FAM168A: variants seen among roughly 807,000 people sequenced by gnomAD.
FAM168A encodes protein FAM168A.
In FAM168A, 3 loss-of-function variants were observed where a neutral mutation model predicts 28.5. The observed-to-expected ratio is 0.11, with a 90% CI of 0.05 to 0.27. FAM168A has a LOEUF of 0.27. Among genes scored for constraint, FAM168A ranks in the 10% least tolerant of loss-of-function variants. The pLI, the probability that FAM168A is intolerant of heterozygous loss-of-function variation, is 1.00. For synonymous variants in FAM168A, 122 were observed against 124.2 expected, an observed-to-expected ratio of 0.98 and a Z score of 0.12; for missense variants, 222 against 311.5, an observed-to-expected ratio of 0.71 and a Z score of 2.16.
At chr11:73,442,485 T>C (rs753666931) in intron 2 of FAM168A, among the ~76,000 whole-genome samples, 1 of 152,200 alleles carries the variant, frequency 6.6e-6, no homozygotes, top group Non-Finnish European at 1.5e-5. Context: ...TGGTATGTTA[T>C]GTTTCATTCA....
intron 1 of FAM168A, among the ~76,000 whole-genome samples, chr11:73,516,107 A>G (rs923333509): frequency 2.0e-5 from 3 of 151,972 alleles, no homozygotes; most frequent in African/African-American, 7.3e-5. Context: ...CTTTAAAAAA[A>G]AAAAAAAAAA....
intron 1 of FAM168A, among the ~76,000 whole-genome samples, chr11:73,571,127 A>G (rs1050151746): frequency 2.0e-5 from 3 of 152,192 alleles, no homozygotes; most frequent in Non-Finnish European, 4.4e-5. Flanking sequence ...AAATTAGTGT[A>G]GTACCAAAAC....
At chr11:73,498,985 C>T (rs1056941534) in intron 1 of FAM168A, among the ~76,000 whole-genome samples, 2 of 152,152 alleles carry the variant, frequency 1.3e-5, no homozygotes, top group South Asian at 2.1e-4. Context: ...ATCCCCCCAG[C>T]GGAACACACC....
chr11:73,446,533 C>T (rs1053885479), intron 2 of FAM168A, among the ~76,000 whole-genome samples: 4 of 152,198 alleles, frequency 2.6e-5, no homozygotes, highest in Non-Finnish European at 5.9e-5. Flanking sequence ...GGCCTCAGTA[C>T]CCCCAAGAAC....
chr11:73,426,713 G>A (rs1331832426), intron 3 of FAM168A, among the ~76,000 whole-genome samples: 1 of 151,684 alleles, frequency 6.6e-6, no homozygotes, highest in Non-Finnish European at 1.5e-5. Context: ...CTGTGTGTGT[G>A]TGTGTGTGTG....
intron 1 of FAM168A, among the ~76,000 whole-genome samples, chr11:73,574,978 A>G (rs1453152417): frequency 8.7e-6 from 1 of 115,502 alleles, no homozygotes; most frequent in Non-Finnish European, 1.7e-5. Context: ...TATTACAGTC[A>G]TATACTAGAC....
intron 1 of FAM168A, among the ~76,000 whole-genome samples, chr11:73,574,807 G>A (rs896819070): frequency 1.4e-5 from 2 of 139,518 alleles, no homozygotes; most frequent in Admixed American, 7.9e-5. Flanking sequence ...CCAGTGACCC[G>A]CTCATCTCAG....
chr11:73,411,633 G>A (rs1773677860), intron 4 of FAM168A, 97 bp from the exon 5 acceptor site: 4 of 1,277,858 alleles, frequency 3.1e-6, no homozygotes, highest in African/African-American at 2.9e-5. Context: ...ACAAAGATGG[G>A]CTGAATCCAG....
At chr11:73,411,644 G>T in intron 4 of FAM168A, 108 bp from the exon 5 acceptor site, 1 of 1,183,990 alleles carries the variant, frequency 8.4e-7, no homozygotes, top group Non-Finnish European at 1.2e-6. Flanking sequence ...CTGAATCCAG[G>T]CTGGAAACAG....
At chr11:73,567,576 C>A (rs1238223256) in intron 1 of FAM168A, among the ~76,000 whole-genome samples, 1 of 152,156 alleles carries the variant, frequency 6.6e-6, no homozygotes, top group Non-Finnish European at 1.5e-5. Context: ...TTAATACAGA[C>A]ACTCCCCTAC....
chr11:73,417,400 C>T (rs895116374), intron 4 of FAM168A, among the ~76,000 whole-genome samples: 10 of 152,212 alleles, frequency 6.6e-5, no homozygotes, highest in Non-Finnish European at 1.5e-4. Flanking sequence ...CTTTCTGCTA[C>T]ACTACAGTAG....
intron 1 of FAM168A, among the ~76,000 whole-genome samples, chr11:73,496,907 GCACACA>G (rs1261773386): frequency 1.7e-5 from 2 of 116,650 alleles, no homozygotes; most frequent in Non-Finnish European, 1.7e-5. Context: ...ACACACACAC[GCACACA>G]CACGCACACA....
At chr11:73,558,536 ATATATTTGAT>A in intron 1 of FAM168A, among the ~76,000 whole-genome samples, 1 of 151,420 alleles carries the variant, frequency 6.6e-6, no homozygotes, top group African/African-American at 2.4e-5. Flanking sequence ...TTTGGAAATC[ATATATTTGAT>A]AAAGGTCTGG....
chr11:73,478,512 A>G (rs1429520444), intron 1 of FAM168A, among the ~76,000 whole-genome samples: 2 of 151,908 alleles, frequency 1.3e-5, no homozygotes, highest in African/African-American at 2.4e-5. Context: ...TTTGGTGTGG[A>G]AAAAAAGTCT....
intron 1 of FAM168A, among the ~76,000 whole-genome samples, chr11:73,576,614 C>T (rs573767310): frequency 6.6e-5 from 10 of 152,214 alleles, no homozygotes; most frequent in Non-Finnish European, 7.4e-5. Flanking sequence ...GAAATGAAGA[C>T]GGAAATGGGG....
intron 2 of FAM168A, among the ~76,000 whole-genome samples, chr11:73,457,721 G>GGCAAAAAAAAAAAAAAAAAAAAAAAAAA (rs1867561792): frequency 7.9e-5 from 1 of 12,692 alleles, no homozygotes; most frequent in Admixed American, 1.3e-3. Flanking sequence ...TAGCCTGGGT[G>GGCAAAAAAAAAAAAAAAAAAAAAAAAAA]ACAAAAAAAA....
intron 1 of FAM168A, among the ~76,000 whole-genome samples, chr11:73,582,629 T>A (rs929388982): frequency 6.6e-6 from 1 of 152,188 alleles, no homozygotes; most frequent in Admixed American, 6.5e-5. Flanking sequence ...GTTGTAAAAA[T>A]CAAATACACA....
At chr11:73,592,072 AT>A (rs1794567132) in intron 1 of FAM168A, among the ~76,000 whole-genome samples, 1 of 152,254 alleles carries the variant, frequency 6.6e-6, no homozygotes. Context: ...CTTGAGCGAC[AT>A]GATCAGAAGG....
rs1318480713 is a variant in FAM168A at position 73,468,367 on chromosome 11, C to T, written c.70+38G>A. 6 of 1,594,248 alleles carry T rather than the reference C, an allele frequency of 3.8e-6. No individual in the cohort carries two copies. The East Asian group carries it at 1.1e-4, about 30-fold the overall frequency. ...AGTTATTTGGTAATATCCTTAACCA[C>T]CATTTCTCAAAATGAGAGCCATTCT... On this transcript the variant is annotated intron_variant, in intron 2 of 7. Coordinates refer to ENST00000356467, the MANE Select transcript of FAM168A (RefSeq NM_015159.3).
Sources: gnomAD v4.1 joint callset for allele counts (sites outside exome capture counted in the v4.1 genomes callset) on GRCh38, gnomAD v4.1.1 for gene constraint, MANE v1.5 for transcripts, NCBI Gene and HGNC (gene_info 2026-07-23, HGNC 2026-07-21) for gene names.